Variants in PCDH15 observed in about 807,000 individuals in gnomAD.
The protein encoded by PCDH15 is protocadherin related 15, also known as protocadherin-15.
In PCDH15, 129 loss-of-function variants were observed where a neutral mutation model predicts 178.5. That is an observed-to-expected ratio of 0.72 (90% CI 0.63 to 0.84). PCDH15 has a LOEUF of 0.84. Among genes scored for constraint, PCDH15 ranks in the 40% least tolerant of loss-of-function variants. The probability of loss-of-function intolerance (pLI) is 0.00; values close to 1 mark genes in which losing one functional copy is unlikely to be tolerated. For missense variants in PCDH15, 2,230 were observed against 2,099.9 expected (o/e 1.06, Z -1.21); for synonymous variants, 800 against 732.0 (o/e 1.09, Z -1.50).
chr10:53,859,880 C>T (rs2078988551), intron 27 of PCDH15, among the ~76,000 whole-genome samples: 1 of 152,066 alleles, frequency 6.6e-6, no homozygotes, highest in Non-Finnish European at 1.5e-5. Flanking sequence ...CAGAGGAAGA[C>T]CAAACATAAG....
intron 6 of PCDH15, 121 bp from the exon 7 acceptor site, chr10:54,329,827 T>C: frequency 1.3e-6 from 1 of 746,328 alleles, no homozygotes. Context: ...GAAAATAGAA[T>C]GACTATAAGC....
At chr10:54,546,608 T>C (rs556558648) in intron 2 of PCDH15, among the ~76,000 whole-genome samples, 3 of 152,254 alleles carry the variant, frequency 2.0e-5, no homozygotes, top group South Asian at 2.1e-4. Flanking sequence ...AGAATACTTA[T>C]AGTAAATATC....
At chr10:54,223,780 A>C (rs959588641) in intron 9 of PCDH15, among the ~76,000 whole-genome samples, 1 of 152,052 alleles carries the variant, frequency 6.6e-6, no homozygotes, top group African/African-American at 2.4e-5. Context: ...GGGCATCTAG[A>C]GGAAAGGCCC....
intron 2 of PCDH15, among the ~76,000 whole-genome samples, chr10:55,518,371 T>C (rs929833410): frequency 8.5e-5 from 13 of 152,074 alleles, no homozygotes; most frequent in Admixed American, 7.2e-4. Context: ...GTCTGGATCA[T>C]GAACAAAGCA....
At chr10:55,556,729 T>G (rs1842098537) in intron 2 of PCDH15, among the ~76,000 whole-genome samples, 1 of 152,228 alleles carries the variant, frequency 6.6e-6, no homozygotes, top group East Asian at 1.9e-4. Context: ...CAATCCCAGC[T>G]ACTTGGGAGG....
At chr10:55,295,511 C>T (rs746977415) in intron 1 of PCDH15, among the ~76,000 whole-genome samples, 9 of 152,102 alleles carry the variant, frequency 5.9e-5, no homozygotes, top group African/African-American at 1.2e-4. Context: ...ACAAACTTCC[C>T]GTGCTCTCGC....
intron 14 of PCDH15, among the ~76,000 whole-genome samples, chr10:54,135,670 C>A (rs1437991395): frequency 6.6e-6 from 1 of 152,156 alleles, no homozygotes; most frequent in Admixed American, 6.5e-5. Context: ...TTATGAATCT[C>A]CTTCTTTTCT....
At chr10:53,861,558 A>G (rs2079109055) in intron 27 of PCDH15, among the ~76,000 whole-genome samples, 1 of 152,186 alleles carries the variant, frequency 6.6e-6, no homozygotes, top group Non-Finnish European at 1.5e-5. Context: ...GTGAGCCACG[A>G]ATACAAATCA....
At chr10:55,617,898 T>C (rs905001376) in intron 2 of PCDH15, among the ~76,000 whole-genome samples, 5 of 152,012 alleles carry the variant, frequency 3.3e-5, no homozygotes, top group Non-Finnish European at 7.4e-5. Flanking sequence ...TAACTTTTAA[T>C]TGATGTTACT....
At chr10:55,606,916 G>C (rs1487499927) in intron 2 of PCDH15, among the ~76,000 whole-genome samples, 140 of 147,358 alleles carry the variant, frequency 9.5e-4, no homozygotes, top group African/African-American at 3.3e-3. Flanking sequence ...TTAAACTAAA[G>C]AGCTTCTGCA....
chr10:55,100,652 C>T (rs1429520273), intron 2 of PCDH15, among the ~76,000 whole-genome samples: 2 of 152,070 alleles, frequency 1.3e-5, no homozygotes, highest in Non-Finnish European at 2.9e-5. Flanking sequence ...CTCTTTTTAA[C>T]AGCCAGCTCT....
chr10:53,874,740 A>T (rs1332678429), intron 26 of PCDH15, among the ~76,000 whole-genome samples: 2 of 87,082 alleles, frequency 2.3e-5, no homozygotes, highest in East Asian at 8.9e-4. Context: ...GTCCGTTGAG[A>T]TAAAAAAATC....
At chr10:54,661,972 C>A (rs1309631473) in intron 2 of PCDH15, among the ~76,000 whole-genome samples, 1 of 151,694 alleles carries the variant, frequency 6.6e-6, no homozygotes, top group Admixed American at 6.6e-5. Flanking sequence ...CCTAGGAAAA[C>A]CTCTTTAGAC....
chr10:54,221,418 A>T (rs1196518869), intron 9 of PCDH15, among the ~76,000 whole-genome samples: 1 of 152,090 alleles, frequency 6.6e-6, no homozygotes, highest in Non-Finnish European at 1.5e-5. Flanking sequence ...AATTTTAATT[A>T]CACGTGTTGA....
At chr10:54,284,912 T>C (rs1366695529) in intron 8 of PCDH15, among the ~76,000 whole-genome samples, 1 of 152,188 alleles carries the variant, frequency 6.6e-6, no homozygotes, top group Non-Finnish European at 1.5e-5. Flanking sequence ...AGCATTTTAG[T>C]CTAGTCCAAA....
rs192189683 is a variant in PCDH15, at chr10:53,913,456, G to A, written c.3374-10086C>T. On this transcript the variant is annotated intron_variant, in intron 25 of 37. Coordinates refer to ENST00000644397, the MANE Select transcript of PCDH15 (RefSeq NM_001384140.1). ...TAGTTAAAATAAAGAGCTTCTAGCC[G>A]GGCGCGGTGGCTCACACCTGTAATC... 1.7e-3 allele frequency among the ~76,000 whole-genome samples: 257 copies of A among 151,994 alleles called. 3 individuals are homozygous for A. Among genetic ancestry groups the A allele is most frequent in the Non-Finnish European group, 5.2e-4 (35 of 67,952 alleles).
intron 13 of PCDH15, among the ~76,000 whole-genome samples, chr10:54,155,791 T>TAA (rs527427577): frequency 2.7e-4 from 32 of 119,560 alleles, no homozygotes; most frequent in South Asian, 2.2e-3. Context: ...GTGAGACTCT[T>TAA]AAAAAAAAAA....
chr10:53,872,629 TAATC>T (rs936145592), intron 26 of PCDH15, among the ~76,000 whole-genome samples: 24 of 152,196 alleles, frequency 1.6e-4, no homozygotes, highest in African/African-American at 5.5e-4. Context: ...AGAAATTAAA[TAATC>T]AGTCAGACTA....
intron 1 of PCDH15, among the ~76,000 whole-genome samples, chr10:54,673,841 T>A (rs1590971559): frequency 1.3e-5 from 2 of 152,180 alleles, no homozygotes; most frequent in Non-Finnish European, 2.9e-5. Flanking sequence ...AAATATTTGT[T>A]TTCTATATAG....
Sources: gnomAD v4.1 joint callset for allele counts (sites outside exome capture counted in the v4.1 genomes callset) on GRCh38, gnomAD v4.1.1 for gene constraint, MANE v1.5 for transcripts, NCBI Gene and HGNC (gene_info 2026-07-23, HGNC 2026-07-21) for gene names.